The following SPOCK1 variants were observed in gnomAD, a reference collection of about 807,000 sequenced individuals.
SPOCK1 encodes SPARC (osteonectin), cwcv and kazal like domains proteoglycan 1.
In SPOCK1, 23 loss-of-function variants were observed where a neutral mutation model predicts 55.3. The ratio of observed to expected loss-of-function variants is 0.42; its 90% CI spans 0.30 to 0.59. SPOCK1 has a LOEUF of 0.59. Ranked by LOEUF, SPOCK1 falls within the 20% of genes least tolerant of loss-of-function variation. The pLI is 0.22. For missense variants in SPOCK1, 499 were observed against 552.5 expected (o/e 0.90, Z 0.97); for synonymous variants, 226 against 221.0 (o/e 1.02, Z -0.20).
intron 3 of SPOCK1, among the ~76,000 whole-genome samples, chr5:137,164,503 A>G (rs1367484072): frequency 6.6e-6 from 1 of 152,126 alleles, no homozygotes; most frequent in Non-Finnish European, 1.5e-5. Context: ...TTCAGGAGAG[A>G]CCCAGTACAT....
chr5:137,160,624 T>TATATAATATATAATATATATTA (rs1561631839), intron 3 of SPOCK1, among the ~76,000 whole-genome samples: 6 of 69,340 alleles, frequency 8.7e-5, no homozygotes, highest in African/African-American at 3.2e-4. Context: ...AATATATATT[T>TATATAATATATAATATATATTA]TATATAATAT....
In SPOCK1 at chr5:137,167,692, A is replaced by G. The variant is rs374123527; in HGVS notation, c.233-26998T>C. 3.9e-5 allele frequency among the ~76,000 whole-genome samples: 6 copies of G among 152,110 alleles called. No homozygotes were observed. The East Asian group carries it at 5.8e-4, about 15-fold the overall frequency. On this transcript the variant is annotated intron_variant, in intron 3 of 10. Coordinates refer to ENST00000394945, the MANE Select transcript of SPOCK1 (RefSeq NM_004598.4). ...TTGGAAACTATACAAACACATGGAA[A>G]TTAAACAATACGCTCCTGAATGACC...
intron 5 of SPOCK1, among the ~76,000 whole-genome samples, chr5:137,102,305 C>T (rs895507108): frequency 6.6e-6 from 1 of 152,028 alleles, no homozygotes; most frequent in Non-Finnish European, 1.5e-5. Flanking sequence ...GAATCTTTTG[C>T]CAGGATTAAA....
intron 2 of SPOCK1, among the ~76,000 whole-genome samples, chr5:137,484,705 T>A (rs1453354176): frequency 6.6e-6 from 1 of 152,112 alleles, no homozygotes; most frequent in African/African-American, 2.4e-5. Context: ...CAAAAGGAAA[T>A]CATTGTAAAT....
chr5:137,055,244 A>T (rs1450339265), intron 6 of SPOCK1, among the ~76,000 whole-genome samples: 1 of 152,192 alleles, frequency 6.6e-6, no homozygotes, highest in Non-Finnish European at 1.5e-5. Flanking sequence ...AGGGAGAAAG[A>T]GCATAGGACC....
At chr5:137,068,599 T>C (rs1236076040) in intron 5 of SPOCK1, among the ~76,000 whole-genome samples, 1 of 152,202 alleles carries the variant, frequency 6.6e-6, no homozygotes, top group Admixed American at 6.5e-5. Context: ...GAGAGGAATG[T>C]TATTAATAGG....
At chr5:137,085,368 G>A (rs562436309) in intron 5 of SPOCK1, among the ~76,000 whole-genome samples, 2 of 152,216 alleles carry the variant, frequency 1.3e-5, no homozygotes, top group Non-Finnish European at 2.9e-5. Context: ...TGTGAGGCAA[G>A]AGCAGAAAGT....
At chr5:137,279,205 G>A (rs1757126328) in intron 2 of SPOCK1, among the ~76,000 whole-genome samples, 2 of 152,186 alleles carry the variant, frequency 1.3e-5, no homozygotes. Context: ...CAAATTAGAT[G>A]GAGCCCAACT....
At chr5:137,016,129 C>G (rs1037342015) in intron 6 of SPOCK1, among the ~76,000 whole-genome samples, 1 of 152,134 alleles carries the variant, frequency 6.6e-6, no homozygotes, top group Admixed American at 6.5e-5. Context: ...GGAAAAAAGG[C>G]CGCTTTTCAT....
chr5:137,462,630 G>T (rs1280150143), intron 2 of SPOCK1, among the ~76,000 whole-genome samples: 1 of 152,194 alleles, frequency 6.6e-6, no homozygotes, highest in Admixed American at 6.5e-5. Context: ...TGATGACATG[G>T]AGCTACTGTG....
At chr5:137,188,577 C>G (rs1221720233) in intron 3 of SPOCK1, among the ~76,000 whole-genome samples, 1 of 152,162 alleles carries the variant, frequency 6.6e-6, no homozygotes, top group East Asian at 1.9e-4. Flanking sequence ...TGTGTTCTGA[C>G]TGGTCCGTTG....
chr5:137,452,429 A>C (rs1036786400), intron 2 of SPOCK1, among the ~76,000 whole-genome samples: 1 of 152,212 alleles, frequency 6.6e-6, no homozygotes, highest in Non-Finnish European at 1.5e-5. Context: ...CAAATTATTT[A>C]GTTATCTTTT....
chr5:137,233,326 C>G (rs1374569633), intron 3 of SPOCK1, among the ~76,000 whole-genome samples: 1 of 152,152 alleles, frequency 6.6e-6, no homozygotes. Context: ...TGATGAGAGA[C>G]AGTGACAGAT....
chr5:137,163,511 G>C (rs1464172352), intron 3 of SPOCK1, among the ~76,000 whole-genome samples: 3 of 152,186 alleles, frequency 2.0e-5, no homozygotes, highest in Non-Finnish European at 4.4e-5. Flanking sequence ...TGAAAGAAGA[G>C]TAATAATAAC....
Position 137,330,881 on chromosome 5 carries a change from G to C in SPOCK1, c.187-63826C>G, listed in dbSNP as rs552267440. 1.6e-4 allele frequency among the ~76,000 whole-genome samples: 25 copies of C among 152,222 alleles called. No individual in the cohort carries two copies. The East Asian group carries it at 4.8e-3, about 29-fold the overall frequency. Reference sequence around the variant, plus strand: ...CATTTATTGAATACCTATTATATCAGGTAACTGTGATAAGTACTATGCACA... The same window carrying C: ...CATTTATTGAATACCTATTATATCACGTAACTGTGATAAGTACTATGCACA... On this transcript the variant is annotated intron_variant, in intron 2 of 10. Transcript: ENST00000394945.
intron 3 of SPOCK1, among the ~76,000 whole-genome samples, chr5:137,160,522 T>A (rs11747196): frequency 9.7e-5 from 8 of 82,672 alleles, no homozygotes; most frequent in Non-Finnish European, 1.3e-4. Flanking sequence ...CATATATATA[T>A]AATATATAAA....
intron 2 of SPOCK1, among the ~76,000 whole-genome samples, chr5:137,382,421 G>T (rs1751490985): frequency 6.6e-6 from 1 of 152,056 alleles, no homozygotes; most frequent in Non-Finnish European, 1.5e-5. Flanking sequence ...CCACTCTCCT[G>T]GTACCAATTT....
At chr5:137,498,268 A>C (rs1394965468) in intron 2 of SPOCK1, 105 bp downstream of exon 2, 1 of 199,154 alleles carries the variant, frequency 5.0e-6, no homozygotes, top group South Asian at 1.9e-4. Context: ...CCTCCCAACC[A>C]CACACACACA....
intron 2 of SPOCK1, among the ~76,000 whole-genome samples, chr5:137,415,569 A>T (rs559042628): frequency 2.0e-5 from 3 of 152,252 alleles, no homozygotes; most frequent in Non-Finnish European, 4.4e-5. Flanking sequence ...GTAAACAGGC[A>T]GTTCCCTGGT....
Sources: allele counts gnomAD v4.1 joint callset (sites outside exome capture counted in the v4.1 genomes callset), GRCh38; gene constraint gnomAD v4.1.1; transcripts MANE v1.5; gene names NCBI Gene and HGNC (gene_info 2026-07-23, HGNC 2026-07-21).